The following COL22A1 variants were observed in gnomAD, a reference collection of about 807,000 sequenced individuals.
COL22A1 encodes the protein collagen type XXII alpha 1 chain.
A neutral mutation model predicts 248.9 loss-of-function variants in COL22A1; 221 were observed. The ratio of observed to expected loss-of-function variants is 0.89; its 90% CI spans 0.80 to 0.99. The LOEUF (loss-of-function observed/expected upper bound fraction) is 0.99. COL22A1 is among the 50% of genes least tolerant of loss of function. The pLI is 0.00. For synonymous variants in COL22A1, 891 were observed against 793.4 expected, an observed-to-expected ratio of 1.12 and a Z score of -2.07; for missense variants, 2,240 against 2,179.0, an observed-to-expected ratio of 1.03 and a Z score of -0.56.
At chr8:138,906,800 C>T (rs1174017288) in intron 1 of COL22A1, among the ~76,000 whole-genome samples, 1 of 151,952 alleles carries the variant, frequency 6.6e-6, no homozygotes, top group African/African-American at 2.4e-5. Context: ...TTACAGGCAC[C>T]CGCCACCATA....
chr8:138,654,197 A>G (rs566998981), intron 45 of COL22A1, among the ~76,000 whole-genome samples: 1 of 152,266 alleles, frequency 6.6e-6, no homozygotes, highest in Non-Finnish European at 1.5e-5. Flanking sequence ...CTGGTGGCTG[A>G]TGAAAACCTA....
intron 18 of COL22A1, among the ~76,000 whole-genome samples, chr8:138,756,786 A>C (rs1486826376): frequency 6.6e-6 from 1 of 152,158 alleles, no homozygotes; most frequent in Non-Finnish European, 1.5e-5. Context: ...TCTGAGACCA[A>C]AATGGATACA....
At chr8:138,910,112 A>G (rs1335625058) in intron 1 of COL22A1, among the ~76,000 whole-genome samples, 1 of 152,242 alleles carries the variant, frequency 6.6e-6, no homozygotes, top group African/African-American at 2.4e-5. Flanking sequence ...ACTTTACTAA[A>G]TAAGAAAGCT....
chr8:138,681,575 C>T (rs1258993953), intron 39 of COL22A1, among the ~76,000 whole-genome samples: 2 of 152,158 alleles, frequency 1.3e-5, no homozygotes, highest in Non-Finnish European at 2.9e-5. Flanking sequence ...CTGAGGGTCC[C>T]TGAGGTCCTT....
At chr8:138,700,956 T>C (rs1827913211) in intron 31 of COL22A1, among the ~76,000 whole-genome samples, 1 of 116,596 alleles carries the variant, frequency 8.6e-6, no homozygotes, top group African/African-American at 3.3e-5. Flanking sequence ...CTGCACTCCA[T>C]CCAGCCTGGG....
rs546697919 is a variant in COL22A1, at chr8:138,760,285, G to A, written c.1860C>T (p.Gly620=). The A allele has an allele frequency of 3.8e-6, 6 of 1,599,008 alleles. No individual in the cohort carries two copies. The Admixed American group carries it at 1.0e-4, about 27-fold the overall frequency. ...PGKPGDTGQQ[G]RPGPSGVAGP... is the part of the protein sequence containing the mutation. Reference sequence around the variant, plus strand: ...CTGCCACACCAGAAGGGCCGGGCCTGCCCTGGAGGAAAGAAAGAAAAGGCA... The same window carrying A: ...CTGCCACACCAGAAGGGCCGGGCCTACCCTGGAGGAAAGAAAGAAAAGGCA... Residue 620 remains glycine, a splice_region_variant and synonymous_variant, in exon 18 of 65, where the codon GGC becomes GGT. Transcript: ENST00000303045.
intron 30 of COL22A1, among the ~76,000 whole-genome samples, chr8:138,704,189 C>A (rs913212040): frequency 6.6e-6 from 1 of 152,322 alleles, no homozygotes; most frequent in African/African-American, 2.4e-5. Flanking sequence ...ATAGACTCCA[C>A]CTCTGGGGGC....
Position 138,682,380 on chromosome 8 carries a change from A to G in COL22A1, c.3012+2045T>C, listed in dbSNP as rs186060447. Among the ~76,000 whole-genome samples the G allele has an allele frequency of 7.8e-3, 1,181 of 152,370 alleles. 7 individuals carry two copies. Among genetic ancestry groups the G allele is most frequent in the Non-Finnish European group, 0.012 (783 of 68,036 alleles). ...GAAACTTTAAAAATTGTTTTCATAG[A>G]CATATGCAAGTACAAAAGAAGTAAT... On this transcript the variant is annotated intron_variant, in intron 39 of 64. Transcript: ENST00000303045.
intron 47 of COL22A1, among the ~76,000 whole-genome samples, chr8:138,638,244 A>T (rs1821364538): frequency 6.6e-6 from 1 of 152,236 alleles, no homozygotes; most frequent in Non-Finnish European, 1.5e-5. Flanking sequence ...TTTTAAAACA[A>T]AAACATTTCA....
intron 3 of COL22A1, among the ~76,000 whole-genome samples, chr8:138,852,728 G>A (rs1400476406): frequency 6.6e-6 from 1 of 152,178 alleles, no homozygotes. Context: ...AAAGGAGACT[G>A]AGAAGGGGTG....
intron 1 of COL22A1, among the ~76,000 whole-genome samples, chr8:138,891,000 C>T (rs545693061): frequency 1.1e-3 from 173 of 151,806 alleles, no homozygotes; most frequent in Non-Finnish European, 2.1e-3. Context: ...TCCAGCCTGG[C>T]GACAGAGTGA....
chr8:138,676,580 C>T lies in COL22A1; in HGVS notation c.3128G>A (p.Gly1043Asp), dbSNP rs562156331. 3.2e-6 allele frequency: 5 copies of T among 1,566,698 alleles called. No homozygotes were observed. In the East Asian group the frequency reaches 7.0e-5, roughly 22 times the overall value. Residue 1043 changes from glycine to aspartate, a missense_variant, in exon 41 of 65, where the codon GGC becomes GAC. Transcript: ENST00000303045. ...TACAGGAGGGCCAGCAACCCCAATG[C>T]CTGGGTCACCACGGCTGCCAGGAGA... ...PGSPGSRGDP[G>D]IGVAGPPGPS...
Position 138,798,776 on chromosome 8 carries a change from T to C in COL22A1, c.1558-1919A>G, listed in dbSNP as rs147928708. ...TTTTCTCTTGCTACTTTCAATTTTC[T>C]TTGGTTTTTGGCATTTTTACTATAA... is the stretch of plus-strand genomic sequence containing the variant. On this transcript the variant is annotated intron_variant, in intron 11 of 64. Coordinates refer to ENST00000303045, the MANE Select transcript of COL22A1 (RefSeq NM_152888.3). Among the ~76,000 whole-genome samples, 480 of 152,334 alleles carry C rather than the reference T, an allele frequency of 3.2e-3. 11 individuals are homozygous for C. The highest frequency in any genetic ancestry group is 0.026 in the Admixed American group (400 of 15,292).
At chr8:138,713,992 C>T (rs1012504631) in intron 30 of COL22A1, among the ~76,000 whole-genome samples, 26 of 152,246 alleles carry the variant, frequency 1.7e-4, no homozygotes, top group African/African-American at 4.8e-4. Flanking sequence ...TCCCGGACCA[C>T]GTGTGCCAAG....
chr8:138,863,196 A>C (rs1822617804), intron 3 of COL22A1, among the ~76,000 whole-genome samples: 1 of 152,160 alleles, frequency 6.6e-6, no homozygotes, highest in Non-Finnish European at 1.5e-5. Context: ...GCCTAAGGCC[A>C]CTTGTGGCTT....
At chr8:138,805,468 TAA>T (rs1817461471) in intron 10 of COL22A1, among the ~76,000 whole-genome samples, 1 of 131,418 alleles carries the variant, frequency 7.6e-6, no homozygotes, top group African/African-American at 3.1e-5. Context: ...GGTGTGTGTG[TAA>T]TGATATGGGA....
chr8:138,886,051 C>A (rs1285315397), intron 1 of COL22A1, among the ~76,000 whole-genome samples: 1 of 152,208 alleles, frequency 6.6e-6, no homozygotes, highest in Non-Finnish European at 1.5e-5. Flanking sequence ...CCTCCTGGTA[C>A]CCTCTGCAGG....
At chr8:138,593,923 G>T (rs1024702687) in intron 63 of COL22A1, 94 bp downstream of exon 63, 6 of 961,134 alleles carry the variant, frequency 6.2e-6, no homozygotes, top group African/African-American at 3.4e-5. Context: ...AATGAGAGTG[G>T]CATGAATAAT....
intron 35 of COL22A1, among the ~76,000 whole-genome samples, chr8:138,691,761 T>A (rs571892652): frequency 1.3e-5 from 2 of 151,288 alleles, no homozygotes; most frequent in Non-Finnish European, 2.9e-5. Flanking sequence ...TGTGTATATG[T>A]GTACACGTAA....
Sources: gnomAD v4.1 joint callset for allele counts (sites outside exome capture counted in the v4.1 genomes callset) on GRCh38, gnomAD v4.1.1 for gene constraint, MANE v1.5 for transcripts, NCBI Gene and HGNC (gene_info 2026-07-23, HGNC 2026-07-21) for gene names.